Variants in CLUH observed in about 807,000 individuals in gnomAD.
The protein encoded by CLUH is CLUH binding protein of NUMT mRNA, also known as clustered mitochondria protein homolog.
Under a neutral mutation model 139.3 loss-of-function variants are expected in CLUH, and 77 were observed. That is an observed-to-expected ratio of 0.55 (90% CI 0.46 to 0.67). The LOEUF is 0.67. CLUH is among the 30% of genes least tolerant of loss of function. CLUH has a pLI of 0.00. For missense variants in CLUH, 1,876 were observed against 1,875.8 expected (o/e 1.00, Z 0.00); for synonymous variants, 999 against 801.6 (o/e 1.25, Z -4.16).
At position 2,696,478 on chromosome 17, in the gene CLUH, C is replaced by G. The variant is rs1417782443; in HGVS notation, c.2246G>C (p.Ser749Thr). Reference protein sequence around the residue: ...NACKAVGSISSTAFDIRFNPD... With the variant: ...NACKAVGSISTTAFDIRFNPD... ...ATTGAAGCGAATGTCGAAGGCGGTG[C>G]TGCTGATGGAGCCGACCGCCTTGCA... The change falls in exon 12 of 26, where the codon AGC becomes ACC. Residue 749 changes from serine (S) to threonine (T), a missense_variant. Ser to Thr is a moderately conservative substitution (Grantham distance 58, BLOSUM62 1). Coordinates refer to ENST00000651024, the MANE Select transcript of CLUH (RefSeq NM_001366661.1). 4.4e-6 allele frequency: 7 copies of G among 1,595,472 alleles called. No homozygotes were observed. The highest frequency in any genetic ancestry group is 1.7e-4 in the Middle Eastern group (1 of 6,048).
intron 13 of CLUH, 42 bp downstream of exon 13, chr17:2,696,117 C>T: frequency 1.4e-6 from 2 of 1,464,762 alleles, no homozygotes. Flanking sequence ...GGACCAGCAC[C>T]CTCCACACAA....
rs1232053076 is a variant in CLUH at position 2,703,005 on chromosome 17, T to C, written c.475+313A>G. Among the ~76,000 whole-genome samples, 3 of 152,144 alleles carry C rather than the reference T, an allele frequency of 2.0e-5. No individual in the cohort carries two copies. Among genetic ancestry groups the C allele is most frequent in the Non-Finnish European group, 4.4e-5 (3 of 68,032 alleles). ...ACGCGCAGCTAACTTTTTGTATTTT[T>C]AGTAGAGATGGGGTTTCACCATGTT... is the stretch of plus-strand genomic sequence containing the variant. On this transcript the variant is annotated intron_variant, in intron 3 of 25. Coordinates refer to ENST00000651024, the MANE Select transcript of CLUH (RefSeq NM_001366661.1). This position sits in a 1 kb window ranked among gnomAD's most constrained non-coding sequence, Gnocchi z 4.2.
chr17:2,703,494 A>G lies in CLUH; in HGVS notation c.304-5T>C. 1 of 1,611,934 alleles carries G rather than the reference A, an allele frequency of 6.2e-7. No individual in the cohort carries two copies. Among genetic ancestry groups the G allele is most frequent in the South Asian group, 1.1e-5 (1 of 91,050 alleles). The stretch of plus-strand genomic sequence containing the variant: ...CACCATCTCCTGGGGGGACACCTGC[A>G]GGGAGAAGGCCCCGCCCACCCCGGT... On this transcript the variant is annotated splice_region_variant and splice_polypyrimidine_tract_variant and intron_variant, in intron 2 of 25. Transcript: ENST00000651024. This position sits in a 1 kb window ranked among gnomAD's most constrained non-coding sequence, Gnocchi z 4.2.
At chr17:2,699,246 G>C (rs1032079989) in intron 9 of CLUH, among the ~76,000 whole-genome samples, 1 of 152,164 alleles carries the variant, frequency 6.6e-6, no homozygotes, top group Non-Finnish European at 1.5e-5. Flanking sequence ...TAACGCACTT[G>C]GCACCATCTC....
Position 2,694,075 on chromosome 17 carries a change from G to C in CLUH, c.3092-36C>G, listed in dbSNP as rs771069678. 3.7e-6 allele frequency: 6 copies of C among 1,613,708 alleles called. No individual in the cohort carries two copies. The Admixed American group carries it at 6.7e-5, about 18-fold the overall frequency. The stretch of plus-strand genomic sequence containing the variant: ...CCCCCAGGGGTGGCAAGGTCAGGAC[G>C]GGCCATGGGGAACCCCCACCTCCAC... On this transcript the variant is annotated intron_variant, in intron 18 of 25. Transcript: ENST00000651024.
intron 8 of CLUH, 52 bp downstream of exon 8, chr17:2,700,626 G>A (rs1465372007): frequency 3.3e-6 from 5 of 1,519,876 alleles, no homozygotes; most frequent in Non-Finnish European, 4.4e-6. Context: ...AACCAGCCCA[G>A]CACCCAGGAG....
intron 22 of CLUH, 44 bp downstream of exon 22, chr17:2,692,317 G>A (rs936219138): frequency 1.7e-5 from 26 of 1,496,472 alleles, no homozygotes; most frequent in East Asian, 4.9e-5. Flanking sequence ...CGGCTGCCCC[G>A]CAGGCCTCCG....
At chr17:2,695,675 C>T in intron 13 of CLUH, 149 bp from the exon 14 acceptor site, 1 of 1,095,460 alleles carries the variant, frequency 9.1e-7, no homozygotes, top group Non-Finnish European at 1.3e-6. Flanking sequence ...TGTGCCCAGC[C>T]TCTGGCAGGA....
Position 2,703,370 on chromosome 17 carries a change from C to G in CLUH, c.423G>C (p.Glu141Asp). 3.7e-6 allele frequency: 6 copies of G among 1,613,412 alleles called. No homozygotes were observed. Among genetic ancestry groups the G allele is most frequent in the Admixed American group, 1.7e-5 (1 of 59,932 alleles). Residue 141 changes from glutamate (E) to aspartate (D), a missense_variant, in exon 3 of 26, where the codon GAG (glutamate) becomes GAC (aspartate). Glu to Asp is a conservative substitution (Grantham distance 45). Transcript: ENST00000651024. The surrounding 1 kb of genome is among the most constrained non-coding windows in gnomAD (Gnocchi z 4.2). The stretch of plus-strand genomic sequence containing the variant: ...CCTGCAGCCCCTCGACGCTGCGCAG[C>G]TCCGAGAAGTGGTCCAGCACGTTGC... ...LDGNVLDHFS[E>D]LRSVEGLQEG...
chr17:2,691,728 C>T (rs370039840), intron 24 of CLUH, 33 bp downstream of exon 24: 7 of 1,602,120 alleles, frequency 4.4e-6, no homozygotes, highest in Admixed American at 3.4e-5. Flanking sequence ...CCGCGCTCGC[C>T]GGGCCGGAGG....
chr17:2,700,360 G>T (rs756835526), intron 9 of CLUH, 22 bp downstream of exon 9: 18 of 1,602,918 alleles, frequency 1.1e-5, no homozygotes, highest in Non-Finnish European at 1.4e-5. Flanking sequence ...TCAGACTGCC[G>T]GTCAGCAGAG....
Position 2,709,529 on chromosome 17 carries a change from C to G in CLUH, c.100+2033G>C, listed in dbSNP as rs145388817. Among the ~76,000 whole-genome samples the G allele has an allele frequency of 7.5e-4, 115 of 152,320 alleles. 1 individual carries two copies. Among genetic ancestry groups the G allele is most frequent in the African/African-American group, 2.4e-3 (101 of 41,574 alleles). ...CAGCTGCCAGCCTCCTCCTCCTCCC[C>G]CTCTGGGCCTCAACTCCAGGGAGCC... On this transcript the variant is annotated intron_variant, in intron 1 of 25. Coordinates refer to ENST00000651024, the MANE Select transcript of CLUH (RefSeq NM_001366661.1).
Position 2,702,048 on chromosome 17 carries a change from G to A in CLUH, c.485C>T (p.Thr162Met), listed in dbSNP as rs370845530. ...CACGTGGATGCGGGCCTCACGCACC[G>A]TGTACGGCTCTGTCAGGAAGGCAGG... ...SVLRVVEEPY[T>M]VREARIHVRH... The change falls in exon 4 of 26, where the codon ACG (threonine) becomes ATG (methionine). Residue 162 changes from threonine (T) to methionine (M), a missense_variant. Physicochemically the swap from Thr to Met is moderately conservative, Grantham distance 81. Transcript: ENST00000651024. The A allele has an allele frequency of 6.8e-6, 11 of 1,613,338 alleles. No individual in the cohort carries two copies. The highest frequency in any genetic ancestry group is 1.1e-5 in the South Asian group (1 of 90,990).
At chr17:2,697,834 C>A (rs1243300348) in intron 10 of CLUH, 62 bp downstream of exon 10, 31 of 1,408,852 alleles carry the variant, frequency 2.2e-5, no homozygotes, top group Non-Finnish European at 2.8e-5. Context: ...CCCGGATCCA[C>A]CCAGGGCGCC....
Position 2,698,277 on chromosome 17 carries a change from G to C in CLUH, c.1580C>G (p.Pro527Arg). 2 of 1,611,230 alleles carry C rather than the reference G, an allele frequency of 1.2e-6. No homozygotes were observed. Among genetic ancestry groups the C allele is most frequent in the South Asian group, 1.1e-5 (1 of 90,546 alleles). The change falls in exon 10 of 26, where the codon CCC becomes CGC. Residue 527 changes from proline (P) to arginine (R), a missense_variant. By Grantham distance (103) the Pro-to-Arg change is moderately radical. Transcript: ENST00000651024. ...CTCCTGGTCCCGCTCCAGGATGCCG[G>C]GGATGATGGACTGGGCCGTGACCCG... is the stretch of plus-strand genomic sequence containing the variant. ...GYRVTAQSII[P>R]GILERDQEQS...
Position 2,697,781 on chromosome 17 carries a change from G to GCCCT in CLUH, c.1961+111_1961+114dup. ...TCTCCAATGACTGTGGCTAGACGGA[G>GCCCT]CCCTTCTTCACTCTCCAGCGCTTCT... On this transcript the variant is annotated intron_variant, in intron 10 of 25. Coordinates refer to ENST00000651024, the MANE Select transcript of CLUH (RefSeq NM_001366661.1). 4 of 992,978 alleles carry GCCCT rather than the reference G, an allele frequency of 4.0e-6. No homozygotes were observed. The East Asian group carries it at 1.1e-4, about 27-fold the overall frequency. 61.5% of individuals were successfully genotyped at this position (992,978 alleles called of 1,614,324 possible).
chr17:2,696,432 G>A lies in CLUH; in HGVS notation c.2290+2C>T, dbSNP rs1290649709. ...CTGCGCTGGCCGGCCCCCACCACCT[G>A]CCTGGTGAGAAGATGTCAGGATTGA... On this transcript the variant is annotated splice_donor_variant, in intron 12 of 25. Coordinates refer to ENST00000651024, the MANE Select transcript of CLUH (RefSeq NM_001366661.1). LOFTEE classifies it low-confidence loss of function (GC_TO_GT_DONOR). 6.3e-7 allele frequency: 1 copy of A among 1,582,046 alleles called. No homozygotes were observed.
intron 1 of CLUH, among the ~76,000 whole-genome samples, chr17:2,705,849 C>T (rs1053244122): frequency 1.8e-4 from 28 of 152,316 alleles, no homozygotes; most frequent in Admixed American, 1.6e-3. Context: ...GCATTCCTAC[C>T]CAGGCACCAG....
Position 2,707,217 on chromosome 17 carries a change from G to C in CLUH, c.101-2653C>G. The C allele has an allele frequency of 2.0e-6, 2 of 985,434 alleles. No individual in the cohort carries two copies. The highest frequency in any genetic ancestry group is 2.4e-6 in the Non-Finnish European group (2 of 829,906). The allele number at this position is 985,434 out of a possible 1,614,324, so 61.0% of individuals were successfully genotyped here. On this transcript the variant is annotated intron_variant, in intron 1 of 25. Coordinates refer to ENST00000651024, the MANE Select transcript of CLUH (RefSeq NM_001366661.1). This position sits in a 1 kb window ranked among gnomAD's most constrained non-coding sequence, Gnocchi z 7.4. ...CCCTCCCCTCGGCTCTGGAGTCTCAGGATGGCCGTGGCAGCAAGGCAGCCA... is the reference window on the plus strand; with the variant it reads ...CCCTCCCCTCGGCTCTGGAGTCTCACGATGGCCGTGGCAGCAAGGCAGCCA...
Sources: allele counts gnomAD v4.1 joint callset (sites outside exome capture counted in the v4.1 genomes callset), GRCh38; gene constraint gnomAD v4.1.1; non-coding constraint Gnocchi (gnomAD v3.1); transcripts MANE v1.5; gene names NCBI Gene and HGNC (gene_info 2026-07-23, HGNC 2026-07-21).